The following C4orf50 variants were observed in gnomAD, a reference collection of about 807,000 sequenced individuals.
C4orf50 encodes chromosome 4 open reading frame 50.
In C4orf50, 80 loss-of-function variants were observed where a neutral mutation model predicts 77.2. The observed-to-expected ratio is 1.04, with a 90% CI of 0.87 to 1.25. C4orf50 has a LOEUF of 1.25. Among genes scored for constraint, C4orf50 ranks in the 50% most tolerant of loss-of-function variants. The pLI is 0.00. For synonymous variants in C4orf50, 532 were observed against 465.3 expected (o/e 1.14, Z -1.84); for missense variants, 1,257 against 1,152.9 (o/e 1.09, Z -1.31).
rs1441362160 is a variant in C4orf50, at chr4:6,000,063, G to GTGCT, written c.964-5591_964-5588dup. On this transcript the variant is annotated intron_variant, in intron 25 of 33. Transcript: ENST00000531445. This position sits in a 1 kb window ranked among gnomAD's most constrained non-coding sequence, Gnocchi z 6.0. Reference sequence around the variant, plus strand: ...TGAGGCCGTGGGCAGCCATGGTGGGGTGCTTATGGAGGGAGATCCTTTGAC... The same window carrying GTGCT: ...TGAGGCCGTGGGCAGCCATGGTGGGGTGCTTGCTTATGGAGGGAGATCCTTTGAC... Among the ~76,000 whole-genome samples the GTGCT allele has an allele frequency of 1.3e-5, 2 of 152,164 alleles. No homozygotes were observed. The highest frequency in any genetic ancestry group is 3.9e-4 in the East Asian group (2 of 5,184).
At chr4:5,994,830 G>A (rs1385252575) in intron 25 of C4orf50, among the ~76,000 whole-genome samples, 2 of 152,214 alleles carry the variant, frequency 1.3e-5, no homozygotes, top group African/African-American at 2.4e-5. Flanking sequence ...GACCTGGGCC[G>A]TACAGCAGGA....
In C4orf50 at chr4:5,992,267, G is replaced by A. The variant is rs527948290; in HGVS notation, c.1221+536C>T. ...TATTTACAACCACACAACCACAGCC[G>A]GGCTCGCGGGTCCCAGCACAGCTCT... On this transcript the variant is annotated intron_variant, in intron 27 of 33. Transcript: ENST00000531445. The surrounding 1 kb of genome is among the most constrained non-coding windows in gnomAD (Gnocchi z 5.0). Among the ~76,000 whole-genome samples, 5 of 152,326 alleles carry A rather than the reference G, an allele frequency of 3.3e-5. No homozygotes were observed. The highest frequency in any genetic ancestry group is 4.1e-4 in the South Asian group (2 of 4,830).
chr4:5,958,139 G>C lies in C4orf50; in HGVS notation c.*1236C>G, dbSNP rs1719070595. The C allele has an allele frequency of 6.6e-6, 1 of 152,318 alleles. No individual in the cohort carries two copies. The highest frequency in any genetic ancestry group is 6.5e-5 in the Admixed American group (1 of 15,280). 9.4% of individuals were successfully genotyped at this position (152,318 alleles called of 1,614,324 possible). A position where few individuals can be genotyped will look rare whatever the true frequency, so the allele number is the denominator to read the frequency against. ...CCCCTCCTCAGCCCCTTCCCAAAGA[G>C]AGAGGTGACATCTCTGGTGGGTGAG... On this transcript the variant is annotated 3_prime_UTR_variant, in exon 34 of 34. Transcript: ENST00000531445. The surrounding 1 kb of genome is among the most constrained non-coding windows in gnomAD (Gnocchi z 5.4).
chr4:5,938,209 A>G (rs550348628), intron 7 of C4orf50, among the ~76,000 whole-genome samples: 15 of 152,376 alleles, frequency 9.8e-5, no homozygotes, highest in African/African-American at 3.1e-4. Context: ...AAAAAAATGG[A>G]AATTATATGA....
chr4:5,989,225 A>G (rs1248346955), exon 28 of C4orf50: 3 of 1,535,882 alleles, frequency 2.0e-6, no homozygotes, highest in Non-Finnish European at 2.6e-6. Context: ...TTGTCATGTA[A>G]AATCTGGCTT....
intron 7 of C4orf50, among the ~76,000 whole-genome samples, chr4:5,943,576 C>T (rs549398646): frequency 1.3e-5 from 2 of 152,312 alleles, no homozygotes; most frequent in East Asian, 3.9e-4. Flanking sequence ...AATGGGTATC[C>T]TCTTTCTTGT....
At chr4:5,935,031 G>A (rs938597180) in intron 7 of C4orf50, among the ~76,000 whole-genome samples, 19 of 152,228 alleles carry the variant, frequency 1.2e-4, no homozygotes, top group Non-Finnish European at 2.1e-4. Context: ...TTGTCATGAA[G>A]GCTAAATGAG....
intron 7 of C4orf50, among the ~76,000 whole-genome samples, chr4:5,928,379 T>TAC (rs765175509): frequency 0.025 from 2,422 of 95,918 alleles, 23 homozygotes; most frequent in East Asian, 0.049. Flanking sequence ...CACACACACA[T>TAC]ACACACACAC....
chr4:5,956,426 C>T (rs1249241500), downstream of C4orf50, among the ~76,000 whole-genome samples: 1 of 152,232 alleles, frequency 6.6e-6, no homozygotes, highest in Non-Finnish European at 1.5e-5. Context: ...TCAGAGCAAA[C>T]TCTGGAGGAC....
intron 7 of C4orf50, among the ~76,000 whole-genome samples, chr4:5,937,586 A>G (rs1718082298): frequency 6.6e-6 from 1 of 152,226 alleles, no homozygotes; most frequent in African/African-American, 2.4e-5. Flanking sequence ...TACATATATC[A>G]GTTATCATAA....
intron 28 of C4orf50, among the ~76,000 whole-genome samples, chr4:5,984,235 C>T (rs879902402): frequency 6.6e-6 from 1 of 152,166 alleles, no homozygotes; most frequent in Non-Finnish European, 1.5e-5. Flanking sequence ...TGGAGAAAGA[C>T]AATAATCAGG....
At chr4:5,996,967 G>A (rs779485132) in intron 25 of C4orf50, among the ~76,000 whole-genome samples, 13 of 133,118 alleles carry the variant, frequency 9.8e-5, no homozygotes, top group Non-Finnish European at 1.9e-4. Context: ...CATCATTGGA[G>A]TGTGAGAGGG....
intron 29 of C4orf50, among the ~76,000 whole-genome samples, chr4:5,979,699 A>G (rs1720465464): frequency 6.6e-6 from 1 of 152,326 alleles, no homozygotes; most frequent in Non-Finnish European, 1.5e-5. Context: ...GGTTTCCCCC[A>G]GTGGGAATAT....
intron 27 of C4orf50, among the ~76,000 whole-genome samples, chr4:5,991,733 C>T (rs772646802): frequency 8.5e-5 from 13 of 152,100 alleles, no homozygotes; most frequent in Non-Finnish European, 1.5e-4. Context: ...AAGAGAAGGA[C>T]AGAGGGAGCA....
chr4:5,906,193 G>T (rs915120203), intron 7 of C4orf50, among the ~76,000 whole-genome samples: 1 of 151,858 alleles, frequency 6.6e-6, no homozygotes, highest in Non-Finnish European at 1.5e-5. Flanking sequence ...ACCTGTGACG[G>T]TTGGCAGCAT....
At chr4:5,909,637 G>A (rs963101962) in intron 7 of C4orf50, among the ~76,000 whole-genome samples, 2 of 152,116 alleles carry the variant, frequency 1.3e-5, no homozygotes, top group East Asian at 1.9e-4. Context: ...CAGTTTCATC[G>A]TTTTTGTCTT....
intron 7 of C4orf50, among the ~76,000 whole-genome samples, chr4:5,944,639 C>A (rs1422333486): frequency 6.6e-6 from 1 of 152,072 alleles, no homozygotes; most frequent in Non-Finnish European, 1.5e-5. Context: ...CTGGCCTGTG[C>A]TGGGATGGAG....
intron 7 of C4orf50, among the ~76,000 whole-genome samples, chr4:5,950,530 G>A (rs1055200704): frequency 6.6e-6 from 1 of 152,136 alleles, no homozygotes; most frequent in Admixed American, 6.5e-5. Context: ...TTTCAAAAAT[G>A]GGGTTGAATC....
chr4:5,920,956 C>T (rs1181850082), intron 7 of C4orf50, among the ~76,000 whole-genome samples: 4 of 125,970 alleles, frequency 3.2e-5, no homozygotes, highest in African/African-American at 9.8e-5. Flanking sequence ...TTGTACGATG[C>T]TTCCAGGAGT....
Sources: gnomAD v4.1 joint callset for allele counts (sites outside exome capture counted in the v4.1 genomes callset) on GRCh38, gnomAD v4.1.1 for gene constraint, Gnocchi (gnomAD v3.1) non-coding constraint, MANE v1.5 for transcripts, NCBI Gene and HGNC (gene_info 2026-07-23, HGNC 2026-07-21) for gene names.